CRHR1: variants seen among roughly 807,000 people sequenced by gnomAD.
CRHR1 encodes corticotropin-releasing hormone receptor 1.
In CRHR1, 28 loss-of-function variants were observed where a neutral mutation model predicts 56.0. That is an observed-to-expected ratio of 0.50 (90% CI 0.37 to 0.69). The LOEUF (loss-of-function observed/expected upper bound fraction) is 0.69. Among genes scored for constraint, CRHR1 ranks in the 30% least tolerant of loss-of-function variants. The pLI, the probability that CRHR1 is intolerant of heterozygous loss-of-function variation, is 0.00. For missense variants in CRHR1, 376 were observed against 548.0 expected, an observed-to-expected ratio of 0.69 and a Z score of 3.13; for synonymous variants, 195 against 216.5, an observed-to-expected ratio of 0.90 and a Z score of 0.87.
At position 45,830,865 on chromosome 17, in the gene CRHR1, C is replaced by T. The variant is rs371638713; in HGVS notation, c.710-15C>T. On this transcript the variant is annotated splice_polypyrimidine_tract_variant and intron_variant, in intron 7 of 12. Coordinates refer to ENST00000314537, the MANE Select transcript of CRHR1 (RefSeq NM_004382.5). ...CCCCCGCTGAGGGCTCTGTGACAGC[C>T]CATCTCTCCCCCAGGTGTGCCCTTC... 3 of 1,613,198 alleles carry T rather than the reference C, an allele frequency of 1.9e-6. No individual in the cohort carries two copies. The highest frequency in any genetic ancestry group is 2.7e-5 in the African/African-American group (2 of 74,912).
chr17:45,825,062 G>T (rs717312), intron 4 of CRHR1, among the ~76,000 whole-genome samples: 2 of 152,130 alleles, frequency 1.3e-5, no homozygotes, highest in African/African-American at 4.8e-5. Flanking sequence ...AGCCTCGCCA[G>T]ACCCCTCCCA....
chr17:45,816,621 T>G (rs757810291), intron 3 of CRHR1, 39 bp downstream of exon 3: 1 of 1,612,732 alleles, frequency 6.2e-7, no homozygotes, highest in East Asian at 2.2e-5. Context: ...TGCTGGGAGG[T>G]GGGACAGGAT....
chr17:45,806,750 C>G (rs2061727509), intron 1 of CRHR1, among the ~76,000 whole-genome samples: 1 of 152,172 alleles, frequency 6.6e-6, no homozygotes, highest in African/African-American at 2.4e-5. Flanking sequence ...TCCCTAGGAG[C>G]CTGGGCTCCT....
intron 8 of CRHR1, 93 bp from the exon 9 acceptor site, chr17:45,833,045 C>T (rs1489459149): frequency 1.7e-6 from 2 of 1,148,474 alleles, no homozygotes; most frequent in African/African-American, 3.0e-5. Context: ...TGGCCTCCAG[C>T]CCCAGTCCTG....
At chr17:45,814,233 G>A (rs2061881689) in intron 2 of CRHR1, among the ~76,000 whole-genome samples, 3 of 152,236 alleles carry the variant, frequency 2.0e-5, no homozygotes. Context: ...AGGAGTGAAT[G>A]AGCAAGCTAC....
chr17:45,834,967 G>T lies in CRHR1; in HGVS notation c.*203G>T. On this transcript the variant is annotated 3_prime_UTR_variant, in exon 13 of 13. Coordinates refer to ENST00000314537, the MANE Select transcript of CRHR1 (RefSeq NM_004382.5). Reference sequence around the variant, plus strand: ...CTCATGAGTGGAAAGTCACCTACAGGACTGGGCCGGGCCCAGGGCCTCTGG... The same window carrying T: ...CTCATGAGTGGAAAGTCACCTACAGTACTGGGCCGGGCCCAGGGCCTCTGG... 1 of 675,768 alleles carries T rather than the reference G, an allele frequency of 1.5e-6. No homozygotes were observed. The highest frequency in any genetic ancestry group is 2.4e-6 in the Non-Finnish European group (1 of 410,680). 41.9% of individuals were successfully genotyped at this position (675,768 alleles called of 1,614,324 possible). A position where few individuals can be genotyped will look rare whatever the true frequency, so the allele number is the denominator to read the frequency against.
chr17:45,806,957 G>T, intron 1 of CRHR1, 53 bp from the exon 2 acceptor site: 1 of 1,531,246 alleles, frequency 6.5e-7, no homozygotes, highest in Non-Finnish European at 9.0e-7. Flanking sequence ...GGAGCAACAT[G>T]CTCATGGCTC....
chr17:45,790,435 C>T lies in CRHR1; in HGVS notation c.33+5858C>T, dbSNP rs1032922433. Among the ~76,000 whole-genome samples, 8 of 152,300 alleles carry T rather than the reference C, an allele frequency of 5.3e-5. No homozygotes were observed. In the South Asian group the frequency reaches 1.7e-3, roughly 32 times the overall value. On this transcript the variant is annotated intron_variant, in intron 1 of 12. Coordinates refer to ENST00000314537, the MANE Select transcript of CRHR1 (RefSeq NM_004382.5). Reference sequence around the variant, plus strand: ...GCTTTGGAAGACGGGTTCCCCTTCACGTAGAACTGCGGATTCAAATGCTTT... The same window carrying T: ...GCTTTGGAAGACGGGTTCCCCTTCATGTAGAACTGCGGATTCAAATGCTTT...
At chr17:45,827,586 C>A (rs1252781697) in intron 4 of CRHR1, 1 of 152,258 alleles carries the variant, frequency 6.6e-6, no homozygotes, top group Non-Finnish European at 1.5e-5. Context: ...GTCTCTGTCT[C>A]TCCTGCCTTC....
At chr17:45,808,350 C>T (rs1481239248) in intron 2 of CRHR1, among the ~76,000 whole-genome samples, 1 of 152,144 alleles carries the variant, frequency 6.6e-6, no homozygotes, top group African/African-American at 2.4e-5. Context: ...CTAGGGAGAG[C>T]CTGGGGGCAG....
intron 1 of CRHR1, among the ~76,000 whole-genome samples, chr17:45,793,979 G>A (rs894880831): frequency 6.6e-6 from 1 of 152,152 alleles, no homozygotes; most frequent in African/African-American, 2.4e-5. Context: ...CCCACCCCAG[G>A]ACTCCCCTCA....
At chr17:45,814,451 A>G (rs961858688) in intron 2 of CRHR1, among the ~76,000 whole-genome samples, 2 of 152,176 alleles carry the variant, frequency 1.3e-5, no homozygotes, top group South Asian at 4.1e-4. Flanking sequence ...TCTTTCACCC[A>G]TTGACCCATG....
intron 4 of CRHR1, among the ~76,000 whole-genome samples, chr17:45,824,486 G>A (rs529350005): frequency 6.6e-6 from 1 of 152,176 alleles, no homozygotes; most frequent in African/African-American, 2.4e-5. Flanking sequence ...GGGGACACTC[G>A]GCAGCCCCCA....
intron 1 of CRHR1, among the ~76,000 whole-genome samples, chr17:45,790,758 A>G (rs1015956389): frequency 1.3e-5 from 2 of 152,178 alleles, no homozygotes; most frequent in African/African-American, 4.8e-5. Context: ...TGGTCCAGTC[A>G]CTTCGTGGCT....
intron 2 of CRHR1, among the ~76,000 whole-genome samples, chr17:45,812,020 TC>T (rs982210906): frequency 1.3e-5 from 2 of 152,148 alleles, no homozygotes; most frequent in Non-Finnish European, 2.9e-5. Flanking sequence ...GTTCCAGAAC[TC>T]CCCATGGATA....
chr17:45,814,639 C>T (rs917281010), intron 2 of CRHR1, among the ~76,000 whole-genome samples: 2 of 152,252 alleles, frequency 1.3e-5, no homozygotes, highest in African/African-American at 4.8e-5. Context: ...AGCTCTCCCC[C>T]CAAGTCCCTG....
chr17:45,804,884 G>C (rs547339768), intron 1 of CRHR1, among the ~76,000 whole-genome samples: 2 of 151,512 alleles, frequency 1.3e-5, no homozygotes, highest in Admixed American at 1.3e-4. Flanking sequence ...GCGTGATCTC[G>C]GCTCACTACA....
At chr17:45,815,435 C>G (rs532589210) in intron 2 of CRHR1, among the ~76,000 whole-genome samples, 6 of 152,342 alleles carry the variant, frequency 3.9e-5, no homozygotes, top group South Asian at 2.1e-4. Flanking sequence ...CTCTCTCTCT[C>G]TCCTCCAAAA....
chr17:45,821,613 G>T (rs1371722656), intron 4 of CRHR1, among the ~76,000 whole-genome samples, 173 bp downstream of exon 4: 2 of 152,226 alleles, frequency 1.3e-5, no homozygotes, highest in African/African-American at 2.4e-5. Context: ...ATGAGCAGGC[G>T]CCCTCGAGGG....
Sources: allele counts gnomAD v4.1 joint callset (sites outside exome capture counted in the v4.1 genomes callset), GRCh38; gene constraint gnomAD v4.1.1; transcripts MANE v1.5; gene names NCBI Gene and HGNC (gene_info 2026-07-23, HGNC 2026-07-21).